The following ADAMTSL1 variants were observed in gnomAD, a reference collection of about 807,000 sequenced individuals.
The protein encoded by ADAMTSL1 is ADAMTS like 1, also known as ADAMTS-like protein 1.
Under a neutral mutation model 201.8 loss-of-function variants are expected in ADAMTSL1, and 126 were observed. The observed-to-expected ratio is 0.62, with a 90% CI of 0.54 to 0.72. The LOEUF is 0.72. ADAMTSL1 is among the 30% of genes least tolerant of loss of function. ADAMTSL1 has a pLI of 0.00. For synonymous variants in ADAMTSL1, 1,121 were observed against 903.4 expected (o/e 1.24, Z -4.32); for missense variants, 2,679 against 2,277.8 (o/e 1.18, Z -3.59).
intron 2 of ADAMTSL1, among the ~76,000 whole-genome samples, chr9:18,248,845 G>T (rs922001025): frequency 2.6e-5 from 4 of 152,154 alleles, no homozygotes; most frequent in Admixed American, 6.5e-5. Flanking sequence ...AGAATGTATT[G>T]TGTGTATTAT....
chr9:18,408,287 G>A (rs1818287490), intron 2 of ADAMTSL1, among the ~76,000 whole-genome samples: 2 of 152,086 alleles, frequency 1.3e-5, no homozygotes, highest in African/African-American at 2.4e-5. Flanking sequence ...TGGCCAACAT[G>A]GTGAAACACT....
At chr9:18,728,516 G>T (rs1306937771) in intron 15 of ADAMTSL1, among the ~76,000 whole-genome samples, 1 of 152,226 alleles carries the variant, frequency 6.6e-6, no homozygotes, top group East Asian at 1.9e-4. Flanking sequence ...GCTTGTATTT[G>T]GTTGTCACGG....
At chr9:18,543,320 C>A (rs1472427956) in intron 3 of ADAMTSL1, among the ~76,000 whole-genome samples, 1 of 150,924 alleles carries the variant, frequency 6.6e-6, no homozygotes, top group South Asian at 2.1e-4. Flanking sequence ...TGCAAAAAAT[C>A]CTAATTTCTC....
intron 1 of ADAMTSL1, among the ~76,000 whole-genome samples, chr9:18,097,638 A>G (rs1315463759): frequency 6.6e-6 from 1 of 152,172 alleles, no homozygotes; most frequent in African/African-American, 2.4e-5. Context: ...TCATCAGTCT[A>G]ATGCATGTCT....
chr9:18,526,032 G>A (rs550002537), intron 2 of ADAMTSL1, among the ~76,000 whole-genome samples: 4 of 152,278 alleles, frequency 2.6e-5, no homozygotes, highest in African/African-American at 7.2e-5. Flanking sequence ...GTCCAATGTT[G>A]ACAGTGGGGT....
chr9:18,122,017 A>G (rs1410986759), intron 1 of ADAMTSL1, among the ~76,000 whole-genome samples: 1 of 152,160 alleles, frequency 6.6e-6, no homozygotes, highest in Admixed American at 6.6e-5. Flanking sequence ...TTTATATAAA[A>G]TATCCAGAAT....
chr9:18,439,891 A>G (rs1280133391), intron 2 of ADAMTSL1, among the ~76,000 whole-genome samples: 5 of 152,156 alleles, frequency 3.3e-5, no homozygotes, highest in African/African-American at 1.2e-4. Flanking sequence ...ATAATCAGAA[A>G]GTGGTTGACT....
At chr9:17,995,541 A>G (rs1048702011) in intron 1 of ADAMTSL1, among the ~76,000 whole-genome samples, 1 of 152,096 alleles carries the variant, frequency 6.6e-6, no homozygotes, top group South Asian at 2.1e-4. Context: ...AATTGGGAAT[A>G]GTTTGGTCTG....
At chr9:18,795,611 A>T in intron 20 of ADAMTSL1, 87 bp downstream of exon 20, 1 of 1,370,958 alleles carries the variant, frequency 7.3e-7, no homozygotes, top group Non-Finnish European at 9.9e-7. Context: ...AGAGATGCAT[A>T]GATAAAGGAG....
At position 18,517,552 on chromosome 9, in the gene ADAMTSL1, A is replaced by G. The variant is rs13302136; in HGVS notation, c.191+12596A>G. On this transcript the variant is annotated intron_variant, in intron 2 of 28. Coordinates refer to ENST00000380548, the MANE Select transcript of ADAMTSL1 (RefSeq NM_001040272.6). ...CATCTAGCATTAGGTGTATCTCCCA[A>G]TGCTATCCCTCCCCCCTCCCCCCAC... Among the ~76,000 whole-genome samples the G allele has an allele frequency of 9.4e-5, 14 of 149,560 alleles. 1 individual carries two copies. The highest frequency in any genetic ancestry group is 2.0e-4 in the African/African-American group (8 of 40,570).
chr9:18,063,776 T>C (rs1162630880), intron 1 of ADAMTSL1, among the ~76,000 whole-genome samples: 1 of 152,180 alleles, frequency 6.6e-6, no homozygotes, highest in Non-Finnish European at 1.5e-5. Flanking sequence ...TGTGAGTATC[T>C]GTCCATGCAT....
rs115864390 is a variant in ADAMTSL1 at position 18,211,080 on chromosome 9, C to T, written c.207+47099C>T. ...TGGCTGGACAAAGAGAGTCCCTAGA[C>T]GACCTCTCTAACCCTGGAGCACTAT... On this transcript the variant is annotated intron_variant, in intron 2 of 29. Transcript: ENST00000680146. 2.4e-3 allele frequency among the ~76,000 whole-genome samples: 369 copies of T among 152,222 alleles called. 5 individuals are homozygous for T. The highest frequency in any genetic ancestry group is 6.4e-3 in the African/African-American group (264 of 41,546).
intron 20 of ADAMTSL1, among the ~76,000 whole-genome samples, chr9:18,806,834 G>A (rs1225051699): frequency 6.6e-6 from 1 of 152,140 alleles, no homozygotes; most frequent in Non-Finnish European, 1.5e-5. Flanking sequence ...GAACACTTCT[G>A]TTTTAAAGGC....
Position 18,886,199 on chromosome 9 carries a change from T to C in ADAMTSL1, c.4250-1632T>C, listed in dbSNP as rs1352272522. ...ATATATATATATATATATATATATA[T>C]ATATATATATATACACACACATACA... On this transcript the variant is annotated intron_variant, in intron 23 of 28. Coordinates refer to ENST00000380548, the MANE Select transcript of ADAMTSL1 (RefSeq NM_001040272.6). Among the ~76,000 whole-genome samples the C allele has an allele frequency of 5.1e-3, 652 of 127,856 alleles. 8 individuals are homozygous for C. Among genetic ancestry groups the C allele is most frequent in the African/African-American group, 0.019 (614 of 32,978 alleles). 83.9% of individuals were successfully genotyped at this position (127,856 alleles called of 152,430 possible). A position where few individuals can be genotyped will look rare whatever the true frequency, so the allele number is the denominator to read the frequency against.
At chr9:18,643,418 T>G (rs1302231687) in intron 7 of ADAMTSL1, among the ~76,000 whole-genome samples, 2 of 152,128 alleles carry the variant, frequency 1.3e-5, no homozygotes, top group Non-Finnish European at 1.5e-5. Flanking sequence ...GCTTTTTAGT[T>G]TAATGTAATC....
chr9:18,430,484 G>C (rs1819439095), intron 2 of ADAMTSL1, among the ~76,000 whole-genome samples: 2 of 152,170 alleles, frequency 1.3e-5, no homozygotes, highest in Non-Finnish European at 2.9e-5. Flanking sequence ...CTCCAGGTGT[G>C]TGTTTGTACA....
At chr9:18,382,034 C>A (rs970483193) in intron 2 of ADAMTSL1, among the ~76,000 whole-genome samples, 1 of 152,178 alleles carries the variant, frequency 6.6e-6, no homozygotes, top group Non-Finnish European at 1.5e-5. Context: ...TTCTGCTTCT[C>A]CTGTAGCTGC....
intron 4 of ADAMTSL1, among the ~76,000 whole-genome samples, chr9:18,619,139 C>A (rs780843498): frequency 2.0e-5 from 3 of 152,028 alleles, no homozygotes; most frequent in Non-Finnish European, 2.9e-5. Context: ...CACAGAGGGC[C>A]AATTAAGCCC....
intron 2 of ADAMTSL1, among the ~76,000 whole-genome samples, chr9:18,246,633 A>G (rs1831266709): frequency 6.6e-6 from 1 of 152,242 alleles, no homozygotes; most frequent in South Asian, 2.1e-4. Context: ...TTTAAAGATT[A>G]GATAAATGAT....
Sources: allele counts gnomAD v4.1 joint callset (sites outside exome capture counted in the v4.1 genomes callset), GRCh38; gene constraint gnomAD v4.1.1; transcripts MANE v1.5; gene names NCBI Gene and HGNC (gene_info 2026-07-23, HGNC 2026-07-21).